The following MIER1 variants were observed in gnomAD, a reference collection of about 807,000 sequenced individuals.
The protein encoded by MIER1 is mesoderm induction early response protein 1.
MIER1 carries 40 observed loss-of-function variants against 75.7 expected under a neutral mutation model. The observed-to-expected ratio is 0.53, with a 90% CI of 0.41 to 0.69. The LOEUF (loss-of-function observed/expected upper bound fraction) is 0.69, where lower values mean the gene tolerates loss of function less well. Among genes scored for constraint, MIER1 ranks in the 30% least tolerant of loss-of-function variants. The probability of loss-of-function intolerance (pLI) is 0.00; values close to 1 mark genes in which losing one functional copy is unlikely to be tolerated. For synonymous variants in MIER1, 213 were observed against 223.4 expected (o/e 0.95, Z 0.42); for missense variants, 574 against 680.2 (o/e 0.84, Z 1.74).
intron 10 of MIER1, among the ~76,000 whole-genome samples, chr1:66,972,475 G>A (rs925270336): frequency 6.6e-6 from 1 of 151,890 alleles, no homozygotes; most frequent in Admixed American, 6.6e-5. Flanking sequence ...AGAGGGTAGT[G>A]CTTTTAGGGA....
intron 3 of MIER1, among the ~76,000 whole-genome samples, chr1:66,943,582 CTCTTT>C (rs1656763287): frequency 6.6e-6 from 1 of 150,682 alleles, no homozygotes; most frequent in African/African-American, 2.4e-5. Context: ...TCCTCCTTTC[CTCTTT>C]TCTTCCTTTC....
chr1:66,986,559 AC>A lies in MIER1; in HGVS notation c.*1664del. The A allele has an allele frequency of 2.9e-6, 3 of 1,017,824 alleles. No homozygotes were observed. The highest frequency in any genetic ancestry group is 1.8e-5 in the Admixed American group (1 of 55,838). The allele number at this position is 1,017,824 out of a possible 1,614,324, so 63.0% of individuals were successfully genotyped here. On this transcript the variant is annotated 3_prime_UTR_variant, in exon 14 of 14. Transcript: ENST00000401041. Reference sequence around the variant, plus strand: ...ACTGAGAAATTAGCATTCAGGCCTTACCCCCATGAAGTATTACTGTTAACAT... The same window carrying A: ...ACTGAGAAATTAGCATTCAGGCCTTACCCCATGAAGTATTACTGTTAACAT...
At chr1:66,981,994 T>C in intron 13 of MIER1, 76 bp downstream of exon 13, 2 of 1,511,352 alleles carry the variant, frequency 1.3e-6, no homozygotes, top group South Asian at 2.4e-5. Flanking sequence ...AAATTCCGTT[T>C]GGGTTTCTAT....
At chr1:66,935,042 T>G (rs369512308) in intron 2 of MIER1, among the ~76,000 whole-genome samples, 123 of 152,324 alleles carry the variant, frequency 8.1e-4, no homozygotes, top group African/African-American at 2.9e-3. Flanking sequence ...ACGGTAATAC[T>G]CATTGCAAAT....
In MIER1 at chr1:66,957,630, A is replaced by T. The variant is rs1463492474; in HGVS notation, c.340-429A>T. On this transcript the variant is annotated intron_variant, in intron 4 of 13. Transcript: ENST00000401041. ...TTTCATGTGTTCGGGCTGAGCTCTG[A>T]ATTTTCGTCTGCCTTTCTGGGTTTG... Among the ~76,000 whole-genome samples, 3 of 44,454 alleles carry T rather than the reference A, an allele frequency of 6.7e-5. No individual in the cohort carries two copies. In the East Asian group the frequency reaches 3.2e-3, roughly 48 times the overall value. The allele number at this position is 44,454 out of a possible 152,430, so 29.2% of individuals were successfully genotyped here. A position where few individuals can be genotyped will look rare whatever the true frequency, so the allele number is the denominator to read the frequency against.
intron 2 of MIER1, among the ~76,000 whole-genome samples, chr1:66,930,707 C>T (rs1413217535): frequency 6.6e-6 from 1 of 151,986 alleles, no homozygotes; most frequent in Admixed American, 6.5e-5. Context: ...GGCGCAACTT[C>T]GCCGGCCGGT....
rs750309531 is a variant in MIER1, at chr1:66,925,049, C to CGGTGGCGGCAGCAGCGAA, written c.31_48dup (p.Ser11_Gly16dup). On this transcript the variant is annotated inframe_insertion, in exon 1 of 14. Coordinates refer to ENST00000401041, the MANE Select transcript of MIER1 (RefSeq NM_001077700.3). ...GGCGGATGGATGGGGCTTCTTCAGG[C>CGGTGGCGGCAGCAGCGAA]GGTGGCGGCAGCAGCGAAGGTGGCG... The CGGTGGCGGCAGCAGCGAA allele has an allele frequency of 1.3e-6, 2 of 1,549,306 alleles. No individual in the cohort carries two copies. Among genetic ancestry groups the CGGTGGCGGCAGCAGCGAA allele is most frequent in the South Asian group, 1.2e-5 (1 of 84,236 alleles).
At chr1:66,932,463 A>G (rs896614289) in intron 2 of MIER1, among the ~76,000 whole-genome samples, 4 of 152,176 alleles carry the variant, frequency 2.6e-5, no homozygotes, top group East Asian at 3.8e-4. Context: ...GTGTCCTACA[A>G]AAAAATCTAA....
At position 66,986,429 on chromosome 1, in the gene MIER1, C is replaced by T. The variant is rs781738086; in HGVS notation, c.*1529C>T. On this transcript the variant is annotated 3_prime_UTR_variant, in exon 14 of 14. Transcript: ENST00000401041. ...CATACTCCAAATGCTTCTTCCAGTT[C>T]ATTTTTCAGCCATCAGTTCAAGAGC... 5 of 1,613,198 alleles carry T rather than the reference C, an allele frequency of 3.1e-6. No individual in the cohort carries two copies. In the South Asian group the frequency reaches 5.5e-5, roughly 18 times the overall value.
chr1:66,969,662 G>C (rs1206729232), intron 8 of MIER1, among the ~76,000 whole-genome samples: 2 of 143,454 alleles, frequency 1.4e-5, no homozygotes, highest in Non-Finnish European at 3.0e-5. Context: ...GTTATTCTTT[G>C]TCTCTTAAAA....
At chr1:66,929,281 G>T in intron 2 of MIER1, 1 of 329,062 alleles carries the variant, frequency 3.0e-6, no homozygotes. Context: ...TTTTGAAACT[G>T]CATTAAGAGG....
intron 4 of MIER1, among the ~76,000 whole-genome samples, chr1:66,956,445 C>G (rs1660145478): frequency 6.6e-6 from 1 of 152,156 alleles, no homozygotes; most frequent in African/African-American, 2.4e-5. Context: ...CATTATATTT[C>G]TCTTACTACA....
chr1:66,966,748 T>C (rs531585778), intron 8 of MIER1, among the ~76,000 whole-genome samples: 48 of 152,328 alleles, frequency 3.2e-4, no homozygotes, highest in African/African-American at 1.1e-3. Context: ...TGAGATGGTA[T>C]CTCATTGTGG....
intron 7 of MIER1, 72 bp from the exon 8 acceptor site, chr1:66,963,014 GAT>G: frequency 9.8e-7 from 1 of 1,021,368 alleles, no homozygotes; most frequent in Middle Eastern, 2.8e-4. Flanking sequence ...AGTTTACTAA[GAT>G]GGTAAGGCTA....
At chr1:66,930,735 A>C (rs974727872) in intron 2 of MIER1, among the ~76,000 whole-genome samples, 14 of 152,068 alleles carry the variant, frequency 9.2e-5, no homozygotes, top group African/African-American at 3.1e-4. Context: ...GCCAGGAGAG[A>C]AGCTGCTGCT....
At chr1:66,928,874 GCTTTT>G (rs755113019) in intron 2 of MIER1, 8 of 1,579,180 alleles carry the variant, frequency 5.1e-6, no homozygotes, top group Non-Finnish European at 6.0e-6. Flanking sequence ...TCTTTCCCTT[GCTTTT>G]CTTTCAGTAG....
At chr1:66,976,248 C>CG (rs1273145467) in intron 11 of MIER1, among the ~76,000 whole-genome samples, 2 of 152,178 alleles carry the variant, frequency 1.3e-5, no homozygotes, top group African/African-American at 4.8e-5. Context: ...GTGATCCACC[C>CG]CCCTTGGCCT....
chr1:66,964,988 G>GTCA (rs1340936458), intron 8 of MIER1, among the ~76,000 whole-genome samples: 1 of 152,112 alleles, frequency 6.6e-6, no homozygotes, highest in African/African-American at 2.4e-5. Context: ...AGGCAGTCAA[G>GTCA]GGAACATCAC....
At chr1:66,931,887 G>T (rs1213379016) in intron 2 of MIER1, among the ~76,000 whole-genome samples, 1 of 151,988 alleles carries the variant, frequency 6.6e-6, no homozygotes, top group Non-Finnish European at 1.5e-5. Context: ...GTGAATATCG[G>T]GTAAGCAGCA....
Sources: gnomAD v4.1 joint callset for allele counts (sites outside exome capture counted in the v4.1 genomes callset) on GRCh38, gnomAD v4.1.1 for gene constraint, MANE v1.5 for transcripts, NCBI Gene and HGNC (gene_info 2026-07-23, HGNC 2026-07-21) for gene names.